The following AGBL1 variants were observed in gnomAD, a reference collection of about 807,000 sequenced individuals.
AGBL1 encodes the protein cytosolic carboxypeptidase 4.
In AGBL1, 130 loss-of-function variants were observed where a neutral mutation model predicts 118.9. The ratio of observed to expected loss-of-function variants is 1.09; its 90% CI spans 0.95 to 1.26. AGBL1 has a LOEUF of 1.26. Among genes scored for constraint, AGBL1 ranks in the 50% most tolerant of loss-of-function variants. The pLI is 0.00. For synonymous variants in AGBL1, 555 were observed against 478.9 expected (o/e 1.16, Z -2.08); for missense variants, 1,584 against 1,298.1 (o/e 1.22, Z -3.38).
chr15:86,198,662 T>TTCTC (rs148093995), intron 5 of AGBL1, among the ~76,000 whole-genome samples: 2 of 150,000 alleles, frequency 1.3e-5, no homozygotes, highest in East Asian at 1.9e-4. Context: ...GAGGAAGATT[T>TTCTC]TCTCTCTCTC....
chr15:86,267,823 A>G (rs1351856438), intron 13 of AGBL1, among the ~76,000 whole-genome samples: 1 of 152,258 alleles, frequency 6.6e-6, no homozygotes, highest in Non-Finnish European at 1.5e-5. Context: ...TTCATCTTCT[A>G]TAGGTGAACT....
At chr15:86,406,588 CT>C (rs1455124824) in intron 18 of AGBL1, among the ~76,000 whole-genome samples, 2 of 152,128 alleles carry the variant, frequency 1.3e-5, no homozygotes, top group African/African-American at 4.8e-5. Flanking sequence ...CATAGTGCCT[CT>C]GGAATTTTGT....
At chr15:86,597,939 T>C (rs2084435076) in intron 21 of AGBL1, among the ~76,000 whole-genome samples, 1 of 152,132 alleles carries the variant, frequency 6.6e-6, no homozygotes, top group South Asian at 2.1e-4. Flanking sequence ...ATAAGAAAGT[T>C]TGCCATTGTT....
chr15:86,495,925 T>G (rs2082848258), intron 18 of AGBL1, among the ~76,000 whole-genome samples: 2 of 152,000 alleles, frequency 1.3e-5, no homozygotes, highest in African/African-American at 2.4e-5. Context: ...AACTATTTTA[T>G]CCTGTTCCAT....
intron 17 of AGBL1, among the ~76,000 whole-genome samples, chr15:86,339,779 C>A (rs910420668): frequency 2.6e-5 from 4 of 151,960 alleles, no homozygotes; most frequent in African/African-American, 9.7e-5. Flanking sequence ...CCATCCTGGC[C>A]AACATGATGA....
At chr15:86,466,606 T>C (rs1389565913) in intron 18 of AGBL1, among the ~76,000 whole-genome samples, 2 of 152,266 alleles carry the variant, frequency 1.3e-5, no homozygotes, top group Non-Finnish European at 2.9e-5. Flanking sequence ...CTTTTTGTGC[T>C]GATTTTTCCT....
rs2086583200 is a variant in AGBL1, at chr15:86,712,908, AT to A, written c.3158+38474del. Among the ~76,000 whole-genome samples, 4 of 152,262 alleles carry A rather than the reference AT, an allele frequency of 2.6e-5. No individual in the cohort carries two copies. In the South Asian group the frequency reaches 8.3e-4, roughly 32 times the overall value. On this transcript the variant is annotated intron_variant, in intron 22 of 22. Transcript: ENST00000614907. ...TGGGGCTCCTGCCCTCTCCAGCCTCATTCCATGGTTCCCTCCTCTCCTGGTC... is the reference window on the plus strand; with the variant it reads ...TGGGGCTCCTGCCCTCTCCAGCCTCATCCATGGTTCCCTCCTCTCCTGGTC...
chr15:86,923,724 T>A (rs8028744), intron 23 of AGBL1, among the ~76,000 whole-genome samples: 88,100 of 152,080 alleles, frequency 0.58, 26,074 homozygotes, highest in East Asian at 0.66. Flanking sequence ...CATCTTCCAA[T>A]TTCAGTTTGT....
chr15:87,029,438 T>G (rs1479000443), downstream of AGBL1, among the ~76,000 whole-genome samples: 1 of 151,872 alleles, frequency 6.6e-6, no homozygotes, highest in Non-Finnish European at 1.5e-5. Context: ...TGCTAATACT[T>G]TATTCTTTGC....
At chr15:86,784,651 T>C (rs1419227722) in intron 22 of AGBL1, among the ~76,000 whole-genome samples, 1 of 152,140 alleles carries the variant, frequency 6.6e-6, no homozygotes, top group East Asian at 1.9e-4. Context: ...TCTTATACAG[T>C]TTCCCACCAC....
chr15:86,827,489 GTATA>G (rs1218247459), intron 22 of AGBL1, among the ~76,000 whole-genome samples: 2 of 3,308 alleles, frequency 6.0e-4, no homozygotes, highest in Non-Finnish European at 1.2e-3. Context: ...ATATATGTGT[GTATA>G]TATATATATA....
intron 18 of AGBL1, among the ~76,000 whole-genome samples, chr15:86,460,611 G>T (rs1178703697): frequency 1.3e-5 from 2 of 152,188 alleles, no homozygotes; most frequent in South Asian, 2.1e-4. Flanking sequence ...GATTCAGAGG[G>T]CCTGAGACGA....
At chr15:86,836,711 C>T (rs79082642) in intron 22 of AGBL1, among the ~76,000 whole-genome samples, 332 of 152,236 alleles carry the variant, frequency 2.2e-3, no homozygotes, top group Middle Eastern at 6.8e-3. Context: ...CTCACCTTCA[C>T]CACATGTTCC....
chr15:86,764,312 A>T (rs780650799), intron 22 of AGBL1, among the ~76,000 whole-genome samples: 20 of 152,036 alleles, frequency 1.3e-4, no homozygotes, highest in Non-Finnish European at 2.4e-4. Context: ...ATATGGGTAC[A>T]GTGATATGTA....
downstream of AGBL1, among the ~76,000 whole-genome samples, chr15:86,919,885 GAGA>G: frequency 6.6e-6 from 1 of 152,306 alleles, no homozygotes; most frequent in Non-Finnish European, 1.5e-5. Context: ...TGGGACAAGG[GAGA>G]AGGAGTAGGC....
chr15:86,956,036 A>G (rs16978115), intron 23 of AGBL1, among the ~76,000 whole-genome samples: 9,967 of 152,166 alleles, frequency 0.066, 426 homozygotes, highest in South Asian at 0.19. Context: ...TACAGTTTAT[A>G]CGAAACAAGT....
chr15:86,215,537 C>T (rs1211282518), intron 5 of AGBL1, among the ~76,000 whole-genome samples: 1 of 152,132 alleles, frequency 6.6e-6, no homozygotes, highest in African/African-American at 2.4e-5. Context: ...AGTGCCAGTG[C>T]TCAATGTGGT....
rs112539687 is a variant in AGBL1 at position 86,880,707 on chromosome 15, A to C, written c.3159-26380A>C. On this transcript the variant is annotated intron_variant, in intron 22 of 22. Coordinates refer to ENST00000614907, the MANE Select transcript of AGBL1 (RefSeq NM_001386094.1). The stretch of plus-strand genomic sequence containing the variant: ...AGTGTGTACATGTGTGCATTTCTGC[A>C]TTTGTATATGTGTTGCTGGGTATGG... Among the ~76,000 whole-genome samples the C allele has an allele frequency of 3.5e-3, 526 of 152,056 alleles. 6 individuals carry two copies. The highest frequency in any genetic ancestry group is 0.012 in the African/African-American group (513 of 41,482).
intron 24 of AGBL1, among the ~76,000 whole-genome samples, chr15:87,005,688 C>T (rs536956316): frequency 6.6e-6 from 1 of 152,288 alleles, no homozygotes; most frequent in Admixed American, 6.5e-5. Context: ...CTTTTCTCTA[C>T]TTGTCAAAGT....
Sources: allele counts gnomAD v4.1 joint callset (sites outside exome capture counted in the v4.1 genomes callset), GRCh38; gene constraint gnomAD v4.1.1; transcripts MANE v1.5; gene names NCBI Gene and HGNC (gene_info 2026-07-23, HGNC 2026-07-21).